The following ROCK1 variants were observed in gnomAD, a reference collection of about 807,000 sequenced individuals.
The protein encoded by ROCK1 is Rho associated coiled-coil containing protein kinase 1, also known as rho-associated protein kinase 1.
Under a neutral mutation model 196.8 loss-of-function variants are expected in ROCK1, and 36 were observed. The observed-to-expected ratio is 0.18, with a 90% CI of 0.14 to 0.24. ROCK1 has a LOEUF of 0.24. ROCK1 is among the 10% of genes least tolerant of loss of function. The pLI is 1.00. For synonymous variants in ROCK1, 443 were observed against 515.9 expected (o/e 0.86, Z 1.91); for missense variants, 920 against 1,562.0 (o/e 0.59, Z 6.93).
chr18:20,996,479 A>G (rs760534735), intron 16 of ROCK1, among the ~76,000 whole-genome samples: 5 of 152,182 alleles, frequency 3.3e-5, no homozygotes, highest in Non-Finnish European at 7.3e-5. Context: ...AGGCAGAAAG[A>G]GAGATAGGGG....
intron 1 of ROCK1, among the ~76,000 whole-genome samples, chr18:21,091,238 T>C (rs2036567452): frequency 6.6e-6 from 1 of 152,142 alleles, no homozygotes; most frequent in African/African-American, 2.4e-5. Context: ...ATAGTAAATA[T>C]ATTTTCTCTC....
chr18:20,951,161 T>C lies in ROCK1; in HGVS notation c.*223A>G, dbSNP rs781326139. ...ACCTAAGCTTTCCCCCAACTGTACT[T>C]GCATTACATAGTAATAATTAATCTA... On this transcript the variant is annotated 3_prime_UTR_variant, in exon 33 of 33. Transcript: ENST00000399799. The C allele has an allele frequency of 1.7e-5, 7 of 402,994 alleles. No homozygotes were observed. Among genetic ancestry groups the C allele is most frequent in the African/African-American group, 8.3e-5 (4 of 48,446 alleles). 25.0% of individuals were successfully genotyped at this position (402,994 alleles called of 1,614,324 possible).
intron 29 of ROCK1, 104 bp from the exon 30 acceptor site, chr18:20,955,349 TTCAACA>T (rs1190159275): frequency 1.1e-6 from 1 of 882,688 alleles, no homozygotes; most frequent in Non-Finnish European, 1.7e-6. Context: ...CAAAAAGATA[TTCAACA>T]TCATCAGTCA....
At chr18:21,016,958 C>T (rs1363680002) in intron 12 of ROCK1, among the ~76,000 whole-genome samples, 4 of 151,444 alleles carry the variant, frequency 2.6e-5, no homozygotes, top group Non-Finnish European at 5.9e-5. Flanking sequence ...TCAGGCTTTT[C>T]CTTCCCTCAC....
At chr18:20,959,022 A>T (rs1372002347) in intron 29 of ROCK1, among the ~76,000 whole-genome samples, 1 of 71,966 alleles carries the variant, frequency 1.4e-5, no homozygotes, top group Non-Finnish European at 2.3e-5. Flanking sequence ...TAATATATAT[A>T]ATATATATAT....
rs1029730207 is a variant in ROCK1, at chr18:20,967,161, T to A, written c.3193-85A>T. On this transcript the variant is annotated intron_variant, in intron 26 of 32. Transcript: ENST00000399799. ...ATTGAAATATGATAATTTAAATTGC[T>A]AATACTAAAAATGTACAGTAAACTT... 3.0e-5 allele frequency: 28 copies of A among 933,864 alleles called. No individual in the cohort carries two copies. In the African/African-American group the frequency reaches 4.3e-4, roughly 14 times the overall value. 57.8% of individuals were successfully genotyped at this position (933,864 alleles called of 1,614,324 possible). A position where few individuals can be genotyped will look rare whatever the true frequency, so the allele number is the denominator to read the frequency against.
chr18:21,011,751 T>C (rs1001884572), intron 13 of ROCK1, among the ~76,000 whole-genome samples: 1 of 152,186 alleles, frequency 6.6e-6, no homozygotes, highest in Non-Finnish European at 1.5e-5. Context: ...CCACCACACT[T>C]GACCTAAAAA....
At chr18:21,105,945 G>GCA (rs2036699398) in intron 1 of ROCK1, among the ~76,000 whole-genome samples, 1 of 152,114 alleles carries the variant, frequency 6.6e-6, no homozygotes, top group Non-Finnish European at 1.5e-5. Flanking sequence ...AGATGGGAAA[G>GCA]CACTAGGTCA....
At chr18:20,984,238 C>A in intron 20 of ROCK1, 113 bp downstream of exon 20, 1 of 785,866 alleles carries the variant, frequency 1.3e-6, no homozygotes, top group South Asian at 2.2e-5. Context: ...TACTTTTTTT[C>A]TGTCTTTCAC....
At chr18:21,008,912 A>C (rs1316705271) in intron 13 of ROCK1, among the ~76,000 whole-genome samples, 3 of 152,164 alleles carry the variant, frequency 2.0e-5, no homozygotes, top group African/African-American at 7.2e-5. Flanking sequence ...AAATCAGAAA[A>C]TTCTCACTGG....
intron 27 of ROCK1, among the ~76,000 whole-genome samples, chr18:20,963,050 C>G (rs1011456060): frequency 1.3e-5 from 2 of 151,992 alleles, no homozygotes; most frequent in African/African-American, 4.8e-5. Flanking sequence ...ATCACAAGCA[C>G]AGAAAACAGC....
chr18:21,047,935 A>C (rs2036175041), intron 4 of ROCK1, among the ~76,000 whole-genome samples: 1 of 152,246 alleles, frequency 6.6e-6, no homozygotes, highest in Admixed American at 6.5e-5. Context: ...AGAAAATTAG[A>C]AATGGTCTAG....
At position 21,004,860 on chromosome 18, in the gene ROCK1, T is replaced by C. The variant is rs529001580; in HGVS notation, c.1885+1491A>G. 1.2e-4 allele frequency among the ~76,000 whole-genome samples: 18 copies of C among 152,320 alleles called. No individual in the cohort carries two copies. The East Asian group carries it at 3.5e-3, about 29-fold the overall frequency. On this transcript the variant is annotated intron_variant, in intron 16 of 32. Transcript: ENST00000399799. ...TTCTTAGTTATAATCAGATCTATTT[T>C]AAGCCTGGTCCCTGAGAAATATGAT...
intron 1 of ROCK1, among the ~76,000 whole-genome samples, chr18:21,079,606 G>A (rs138887507): frequency 6.6e-6 from 1 of 152,276 alleles, no homozygotes; most frequent in East Asian, 1.9e-4. Context: ...GGTGCTGATG[G>A]TACAACTGGA....
Position 21,031,623 on chromosome 18 carries a change from AAAG to A in ROCK1, c.1052-2691_1052-2689del, listed in dbSNP as rs1273697040. On this transcript the variant is annotated intron_variant, in intron 9 of 32. Transcript: ENST00000399799. ...CCATCTCAAAAAAAAAAAAAAAAAA[AAAG>A]AAAATAATATAGAAACCACCTCTGA... Among the ~76,000 whole-genome samples the A allele has an allele frequency of 2.9e-3, 435 of 150,114 alleles. 3 individuals carry two copies. The highest frequency in any genetic ancestry group is 0.01 in the African/African-American group (424 of 40,876).
At chr18:21,092,580 TAAAAAAAAAAA>T (rs35799573) in intron 1 of ROCK1, among the ~76,000 whole-genome samples, 3 of 81,142 alleles carry the variant, frequency 3.7e-5, no homozygotes, top group African/African-American at 5.2e-5. Context: ...ACCTCATCTT[TAAAAAAAAAAA>T]AAAAAAAAAA....
chr18:20,949,799 A>T lies in ROCK1; in HGVS notation c.*1585T>A, dbSNP rs1598503161. On this transcript the variant is annotated 3_prime_UTR_variant, in exon 33 of 33. Transcript: ENST00000399799. ...TGGAATTTCACAAACATTTATATAC[A>T]ATCAGAGACTAATTTGAAGTATGTT... 6.6e-6 allele frequency: 1 copy of T among 152,666 alleles called. No individual in the cohort carries two copies. The highest frequency in any genetic ancestry group is 1.5e-5 in the Non-Finnish European group (1 of 68,042). 9.5% of individuals were successfully genotyped at this position (152,666 alleles called of 1,614,324 possible).
intron 9 of ROCK1, among the ~76,000 whole-genome samples, chr18:21,033,034 A>T (rs1294039584): frequency 6.6e-6 from 1 of 152,046 alleles, no homozygotes; most frequent in African/African-American, 2.4e-5. Flanking sequence ...GCTCTACAGA[A>T]AATTAAAAGA....
chr18:21,075,948 T>C (rs2036426156), intron 1 of ROCK1, among the ~76,000 whole-genome samples: 1 of 122,570 alleles, frequency 8.2e-6, no homozygotes, highest in South Asian at 2.6e-4. Flanking sequence ...CAAGACTCTG[T>C]CTCAAAAAAA....
Sources: gnomAD v4.1 joint callset for allele counts (sites outside exome capture counted in the v4.1 genomes callset) on GRCh38, gnomAD v4.1.1 for gene constraint, MANE v1.5 for transcripts, NCBI Gene and HGNC (gene_info 2026-07-23, HGNC 2026-07-21) for gene names.